The following RBFOX1 variants were observed in gnomAD, a reference collection of about 807,000 sequenced individuals.
The protein encoded by RBFOX1 is RNA binding fox-1 homolog 1.
RBFOX1 carries 8 observed loss-of-function variants against 57.7 expected under a neutral mutation model. That is an observed-to-expected ratio of 0.14 (90% CI 0.08 to 0.25). The LOEUF is 0.25. Among genes scored for constraint, RBFOX1 ranks in the 10% least tolerant of loss-of-function variants. The pLI is 1.00. For missense variants in RBFOX1, 611 were observed against 548.5 expected, an observed-to-expected ratio of 1.11 and a Z score of -1.14; for synonymous variants, 326 against 222.4, an observed-to-expected ratio of 1.47 and a Z score of -4.15.
Position 5,973,542 on chromosome 16 carries a change from A to T in RBFOX1, c.351+106207A>T, listed in dbSNP as rs79365521. On this transcript the variant is annotated intron_variant, in intron 4 of 19. Transcript: ENST00000641259. ...CGCAGGATATGAAGGACCAGTCTCGATTTATTACTTTTGTTATTGTTAGGT... is the reference window on the plus strand; with the variant it reads ...CGCAGGATATGAAGGACCAGTCTCGTTTTATTACTTTTGTTATTGTTAGGT... 6.3e-3 allele frequency among the ~76,000 whole-genome samples: 962 copies of T among 152,218 alleles called. 2 individuals carry two copies. Among genetic ancestry groups the T allele is most frequent in the Non-Finnish European group, 9.1e-3 (617 of 68,018 alleles).
chr16:6,901,915 C>A (rs2068597493), intron 3 of RBFOX1, among the ~76,000 whole-genome samples: 1 of 152,086 alleles, frequency 6.6e-6, no homozygotes, highest in African/African-American at 2.4e-5. Context: ...TGCCATCTGG[C>A]TTTTAAGCAG....
At chr16:6,574,974 C>G (rs1019555978) in intron 2 of RBFOX1, among the ~76,000 whole-genome samples, 5 of 150,220 alleles carry the variant, frequency 3.3e-5, no homozygotes, top group African/African-American at 9.8e-5. Flanking sequence ...GGAGGCGGAG[C>G]TTGCAGTGAG....
At chr16:7,383,900 A>G (rs2097830832) in intron 4 of RBFOX1, among the ~76,000 whole-genome samples, 1 of 152,022 alleles carries the variant, frequency 6.6e-6, no homozygotes, top group Non-Finnish European at 1.5e-5. Context: ...TAAAAATACA[A>G]AAAATTAGCT....
At chr16:6,659,624 C>G (rs1318884902) in intron 3 of RBFOX1, among the ~76,000 whole-genome samples, 3 of 152,278 alleles carry the variant, frequency 2.0e-5, no homozygotes, top group East Asian at 1.9e-4. Flanking sequence ...CTCAGAGATT[C>G]TTACTCCAGA....
At chr16:5,530,450 C>T (rs1325611799) in intron 2 of RBFOX1, among the ~76,000 whole-genome samples, 2 of 152,268 alleles carry the variant, frequency 1.3e-5, no homozygotes, top group East Asian at 3.9e-4. Context: ...CAACCCAGAC[C>T]ACTCGACAAT....
intron 4 of RBFOX1, among the ~76,000 whole-genome samples, chr16:5,883,558 T>A (rs11076983): frequency 0.52 from 79,555 of 151,820 alleles, 22,519 homozygotes; most frequent in African/African-American, 0.75. Context: ...TCTAATTGTT[T>A]TGAGTGAGGA....
intron 4 of RBFOX1, among the ~76,000 whole-genome samples, chr16:7,115,572 A>C (rs1274432713): frequency 7.9e-5 from 12 of 152,202 alleles, no homozygotes; most frequent in Admixed American, 7.9e-4. Context: ...CCTGGCTGTT[A>C]GCAGGCTGGA....
chr16:7,226,482 G>T (rs1293879423), intron 4 of RBFOX1, among the ~76,000 whole-genome samples: 1 of 152,170 alleles, frequency 6.6e-6, no homozygotes, highest in Non-Finnish European at 1.5e-5. Flanking sequence ...CTCTCCACTT[G>T]ATGCTGTGTA....
intron 1 of RBFOX1, among the ~76,000 whole-genome samples, chr16:5,298,732 G>A (rs114045952): frequency 0.012 from 216 of 18,010 alleles, 8 homozygotes; most frequent in African/African-American, 0.044. Context: ...TCTCTTCTAT[G>A]TAGAGTTTGA....
At chr16:6,999,201 T>A (rs1382749357) in intron 3 of RBFOX1, among the ~76,000 whole-genome samples, 5 of 114,744 alleles carry the variant, frequency 4.4e-5, no homozygotes, top group African/African-American at 1.8e-4. Flanking sequence ...TTTATTTTAT[T>A]TTTTATTTTT....
intron 1 of RBFOX1, among the ~76,000 whole-genome samples, chr16:6,257,341 A>G (rs1358679789): frequency 2.6e-5 from 4 of 152,162 alleles, no homozygotes; most frequent in Non-Finnish European, 1.5e-5. Flanking sequence ...CACTCCCAGC[A>G]GGGATGTTAG....
chr16:5,434,976 A>G (rs1031154952), intron 1 of RBFOX1, among the ~76,000 whole-genome samples: 1 of 152,230 alleles, frequency 6.6e-6, no homozygotes, highest in African/African-American at 2.4e-5. Context: ...CACATTATCA[A>G]GGTTTACAAT....
intron 2 of RBFOX1, among the ~76,000 whole-genome samples, chr16:6,623,229 C>G (rs143487398): frequency 5.3e-5 from 8 of 152,134 alleles, no homozygotes; most frequent in African/African-American, 1.9e-4. Context: ...TTGAGATTAT[C>G]TGGGAGGGGG....
intron 2 of RBFOX1, among the ~76,000 whole-genome samples, chr16:5,525,260 G>C (rs1474714655): frequency 1.3e-5 from 2 of 152,120 alleles, no homozygotes; most frequent in Non-Finnish European, 2.9e-5. Context: ...CCTCAGCTGA[G>C]AAGACATGGG....
At chr16:6,419,461 A>G (rs1249230184) in intron 2 of RBFOX1, among the ~76,000 whole-genome samples, 1 of 152,356 alleles carries the variant, frequency 6.6e-6, no homozygotes, top group East Asian at 1.9e-4. Context: ...GGCAGAGACA[A>G]GACAGTGCTA....
chr16:7,266,515 C>T (rs1478891399), intron 4 of RBFOX1, among the ~76,000 whole-genome samples: 3 of 152,190 alleles, frequency 2.0e-5, no homozygotes, highest in Non-Finnish European at 4.4e-5. Context: ...TATTTCTTTA[C>T]AGCAATGCAA....
chr16:7,551,292 A>T (rs1018108392), intron 5 of RBFOX1, among the ~76,000 whole-genome samples: 2 of 152,096 alleles, frequency 1.3e-5, no homozygotes, highest in Admixed American at 6.5e-5. Flanking sequence ...AAAAGTCACC[A>T]TACAAGCAAC....
At chr16:7,336,739 A>G (rs896329831) in intron 4 of RBFOX1, among the ~76,000 whole-genome samples, 7 of 152,196 alleles carry the variant, frequency 4.6e-5, no homozygotes, top group African/African-American at 1.4e-4. Context: ...AATAAACGTA[A>G]TGCAATTGGG....
At chr16:6,599,751 A>T (rs1439510649) in intron 2 of RBFOX1, among the ~76,000 whole-genome samples, 1 of 152,182 alleles carries the variant, frequency 6.6e-6, no homozygotes, top group African/African-American at 2.4e-5. Flanking sequence ...TAGTTAAGCC[A>T]TCTTGAGCAG....
Sources: allele counts gnomAD v4.1 joint callset (sites outside exome capture counted in the v4.1 genomes callset), GRCh38; gene constraint gnomAD v4.1.1; transcripts MANE v1.5; gene names NCBI Gene and HGNC (gene_info 2026-07-23, HGNC 2026-07-21).